DLGAP1: variants seen among roughly 807,000 people sequenced by gnomAD.
DLGAP1 encodes the protein disks large-associated protein 1.
In DLGAP1, 11 loss-of-function variants were observed where a neutral mutation model predicts 90.8. That is an observed-to-expected ratio of 0.12 (90% CI 0.08 to 0.20). DLGAP1 has a LOEUF of 0.20. Ranked by LOEUF, DLGAP1 falls within the 10% of genes least tolerant of loss-of-function variation. The probability of loss-of-function intolerance (pLI) is 1.00; values close to 1 mark genes in which losing one functional copy is unlikely to be tolerated. For synonymous variants in DLGAP1, 558 were observed against 540.7 expected (o/e 1.03, Z -0.44); for missense variants, 1,050 against 1,333.8 (o/e 0.79, Z 3.31).
At chr18:3,877,021 G>T (rs2071021763) in intron 4 of DLGAP1, among the ~76,000 whole-genome samples, 1 of 152,144 alleles carries the variant, frequency 6.6e-6, no homozygotes, top group African/African-American at 2.4e-5. Flanking sequence ...ACATACTTGA[G>T]CCTAAATCTC....
chr18:4,348,355 CTGTGA>C (rs1380240680), intron 1 of DLGAP1, among the ~76,000 whole-genome samples: 2 of 149,888 alleles, frequency 1.3e-5, no homozygotes, highest in African/African-American at 2.5e-5. Context: ...AGAATGAACC[CTGTGA>C]TGCTGGACTG....
chr18:4,269,402 G>A (rs2079210454), intron 1 of DLGAP1, among the ~76,000 whole-genome samples: 1 of 145,818 alleles, frequency 6.9e-6, no homozygotes, highest in Non-Finnish European at 1.5e-5. Context: ...CGCCCAGGCT[G>A]GAGTGCAGTG....
intron 6 of DLGAP1, among the ~76,000 whole-genome samples, chr18:3,741,255 C>T (rs1185551108): frequency 1.7e-5 from 2 of 120,572 alleles, no homozygotes; most frequent in Admixed American, 7.7e-5. Flanking sequence ...ACCATCACCA[C>T]CACAATCACC....
chr18:4,374,386 G>A (rs542845419), intron 1 of DLGAP1, among the ~76,000 whole-genome samples: 1 of 152,160 alleles, frequency 6.6e-6, no homozygotes, highest in Admixed American at 6.6e-5. Flanking sequence ...TATTTTCCAT[G>A]AGTATTAATT....
intron 2 of DLGAP1, among the ~76,000 whole-genome samples, chr18:4,116,021 T>C (rs1347126872): frequency 1.3e-5 from 2 of 152,206 alleles, no homozygotes; most frequent in Admixed American, 6.5e-5. Flanking sequence ...CAAATTATTC[T>C]CTGGTGTGGT....
chr18:3,814,552 G>A (rs1025075327), intron 4 of DLGAP1, among the ~76,000 whole-genome samples: 1 of 151,766 alleles, frequency 6.6e-6, no homozygotes, highest in Non-Finnish European at 1.5e-5. Flanking sequence ...CAGTAGAGAC[G>A]GGGTTTCACC....
intron 9 of DLGAP1, among the ~76,000 whole-genome samples, chr18:3,553,659 G>A (rs1014495913): frequency 4.6e-5 from 7 of 151,954 alleles, no homozygotes; most frequent in African/African-American, 1.2e-4. Flanking sequence ...TCAGCCTCCC[G>A]AGTAGCTGGG....
At chr18:4,215,625 C>T (rs896638693) in intron 1 of DLGAP1, among the ~76,000 whole-genome samples, 1 of 152,038 alleles carries the variant, frequency 6.6e-6, no homozygotes, top group Non-Finnish European at 1.5e-5. Flanking sequence ...AATTTTTTTC[C>T]CCTTTCATTA....
chr18:3,577,284 TA>T (rs1440071753), intron 8 of DLGAP1, among the ~76,000 whole-genome samples: 2 of 152,224 alleles, frequency 1.3e-5, no homozygotes, highest in African/African-American at 4.8e-5. Flanking sequence ...TCTGAGCTCC[TA>T]AACTTCTGGT....
At chr18:3,592,878 GAAAGAAAAAGAAAAAGAA>G (rs71159097) in intron 7 of DLGAP1, among the ~76,000 whole-genome samples, 41 of 113,906 alleles carry the variant, frequency 3.6e-4, no homozygotes, top group African/African-American at 1.0e-3. Context: ...GAAAAAGAAA[GAAAGAAAAAGAAAAAGAA>G]AAAGAAAAAG....
chr18:4,227,069 C>G (rs753232927), intron 1 of DLGAP1, among the ~76,000 whole-genome samples: 5 of 151,774 alleles, frequency 3.3e-5, no homozygotes, highest in African/African-American at 4.8e-5. Context: ...ATACTTACAT[C>G]ATAATAGATT....
intron 3 of DLGAP1, among the ~76,000 whole-genome samples, chr18:3,900,932 G>A (rs73940253): frequency 6.6e-5 from 10 of 152,094 alleles, no homozygotes; most frequent in East Asian, 1.9e-4. Context: ...GTTATTTTCC[G>A]TCCTCCAGGA....
rs1410436089 is a variant in DLGAP1, at chr18:3,592,862, AAAAAAGAAAAAG to A, written c.1592-10626_1592-10615del. On this transcript the variant is annotated intron_variant, in intron 7 of 12. Transcript: ENST00000315677. Reference sequence around the variant, plus strand: ...CTGCCTCAAAAAAAAAAAAAAAAAAAAAAAAGAAAAAGAAAGAAAGAAAAAGAAAAAGAAAAA... The same window carrying A: ...CTGCCTCAAAAAAAAAAAAAAAAAAAAAAGAAAGAAAAAGAAAAAGAAAAA... Among the ~76,000 whole-genome samples, 3 of 128,204 alleles carry A rather than the reference AAAAAAGAAAAAG, an allele frequency of 2.3e-5. No individual in the cohort carries two copies. The South Asian group carries it at 7.7e-4, about 33-fold the overall frequency. The allele number at this position is 128,204 out of a possible 152,430, so 84.1% of individuals were successfully genotyped here. A position where few individuals can be genotyped will look rare whatever the true frequency, so the allele number is the denominator to read the frequency against.
intron 10 of DLGAP1, among the ~76,000 whole-genome samples, chr18:3,509,991 G>A (rs73377684): frequency 1.8e-4 from 27 of 152,180 alleles, no homozygotes; most frequent in Non-Finnish European, 3.4e-4. Context: ...TCTCGAGGGG[G>A]TCTCCCTTGA....
At chr18:4,089,948 G>A (rs985751947) in intron 2 of DLGAP1, among the ~76,000 whole-genome samples, 1 of 152,200 alleles carries the variant, frequency 6.6e-6, no homozygotes, top group African/African-American at 2.4e-5. Flanking sequence ...AGGAGACTGA[G>A]GCAGGAGAAT....
At chr18:3,796,012 GA>G (rs2065973656) in intron 5 of DLGAP1, among the ~76,000 whole-genome samples, 1 of 152,102 alleles carries the variant, frequency 6.6e-6, no homozygotes, top group African/African-American at 2.4e-5. Flanking sequence ...GGGCTAATAC[GA>G]TTAAGGAGTT....
Position 3,602,572 on chromosome 18 carries a change from GC to G in DLGAP1, c.1592-20325del, listed in dbSNP as rs2057115286. On this transcript the variant is annotated intron_variant, in intron 7 of 12. Transcript: ENST00000315677. ...ATCGCGCCACCGCACTCCAGCCTGG[GC>G]GACAGAGCGAGACTCCGTCCAAAAA... 7.8e-5 allele frequency among the ~76,000 whole-genome samples: 11 copies of G among 141,824 alleles called. 1 individual carries two copies. The South Asian group carries it at 2.5e-3, about 32-fold the overall frequency. 93.0% of individuals were successfully genotyped at this position (141,824 alleles called of 152,430 possible).
At chr18:3,583,150 C>G (rs1437823562) in intron 7 of DLGAP1, among the ~76,000 whole-genome samples, 2 of 126,368 alleles carry the variant, frequency 1.6e-5, no homozygotes, top group Non-Finnish European at 3.4e-5. Context: ...ACCGACCTAC[C>G]TACCTACCTA....
At chr18:4,412,485 C>G (rs2082801081) in intron 1 of DLGAP1, among the ~76,000 whole-genome samples, 1 of 152,208 alleles carries the variant, frequency 6.6e-6, no homozygotes, top group East Asian at 1.9e-4. Flanking sequence ...GCTGGCTCTG[C>G]TAACAGAGAA....
Sources: gnomAD v4.1 joint callset for allele counts (sites outside exome capture counted in the v4.1 genomes callset) on GRCh38, gnomAD v4.1.1 for gene constraint, MANE v1.5 for transcripts, NCBI Gene and HGNC (gene_info 2026-07-23, HGNC 2026-07-21) for gene names.